The following SPATA13 variants were observed in gnomAD, a reference collection of about 807,000 sequenced individuals.
SPATA13 encodes the protein spermatogenesis associated 13, also known as spermatogenesis-associated protein 13.
Under a neutral mutation model 104.0 loss-of-function variants are expected in SPATA13, and 50 were observed. The observed-to-expected ratio is 0.48, with a 90% CI of 0.38 to 0.61. The LOEUF is 0.61. SPATA13 is among the 20% of genes least tolerant of loss of function. SPATA13 has a pLI of 0.00. For synonymous variants in SPATA13, 606 were observed against 667.5 expected (o/e 0.91, Z 1.42); for missense variants, 1,524 against 1,690.6 (o/e 0.90, Z 1.73).
Position 24,044,641 on chromosome 13 carries a change from A to G in SPATA13, c.-112+26940A>G, listed in dbSNP as rs1276373466. Among the ~76,000 whole-genome samples, 5 of 152,348 alleles carry G rather than the reference A, an allele frequency of 3.3e-5. No homozygotes were observed. In the East Asian group the frequency reaches 7.7e-4, roughly 24 times the overall value. The stretch of plus-strand genomic sequence containing the variant: ...TCGAATCGGGGTAATTAGCATATCC[A>G]TCATCTCATACTTGCCATTTCTTTG... On this transcript the variant is annotated intron_variant, in intron 3 of 14. Transcript: ENST00000424834.
At chr13:24,070,964 A>G (rs1156267991) in intron 3 of SPATA13, among the ~76,000 whole-genome samples, 2 of 152,000 alleles carry the variant, frequency 1.3e-5, no homozygotes, top group Non-Finnish European at 2.9e-5. Flanking sequence ...GACCTCCACA[A>G]TTGTAGGCGT....
chr13:24,297,811 T>G, intron 11 of SPATA13, 76 bp downstream of exon 11: 3 of 1,502,372 alleles, frequency 2.0e-6, no homozygotes, highest in Non-Finnish European at 2.7e-6. Context: ...CCCATGGGCC[T>G]GCTCTGCCCA....
intron 1 of SPATA13, among the ~76,000 whole-genome samples, chr13:24,215,213 C>T (rs1262004115): frequency 2.6e-5 from 4 of 152,164 alleles, no homozygotes; most frequent in Admixed American, 2.0e-4. Context: ...ACATGACTGT[C>T]GTGCATGTCC....
upstream of SPATA13, among the ~76,000 whole-genome samples, chr13:24,157,822 C>T (rs554130164): frequency 6.6e-6 from 1 of 152,160 alleles, no homozygotes; most frequent in African/African-American, 2.4e-5. Flanking sequence ...AGAGCATTTT[C>T]AAACAGGAGC....
chr13:24,218,454 C>T (rs1212136538), intron 1 of SPATA13, among the ~76,000 whole-genome samples: 1 of 152,178 alleles, frequency 6.6e-6, no homozygotes. Context: ...CTCAGCCTCA[C>T]TGGGCCCTAG....
chr13:24,266,142 C>G (rs1874286468), intron 4 of SPATA13, among the ~76,000 whole-genome samples: 1 of 152,232 alleles, frequency 6.6e-6, no homozygotes, highest in Admixed American at 6.5e-5. Flanking sequence ...ACTTGCCTCT[C>G]CAAGAATTTT....
At position 24,076,589 on chromosome 13, in the gene SPATA13, C is replaced by T. The variant is rs563261298; in HGVS notation, c.-112+58888C>T. On this transcript the variant is annotated intron_variant, in intron 3 of 14. Transcript: ENST00000424834. ...GCAGACCCCGGGACAGGAAACCAGGCCACTGAGGGTCTTGTGGCTCTGGTG... is the reference window on the plus strand; with the variant it reads ...GCAGACCCCGGGACAGGAAACCAGGTCACTGAGGGTCTTGTGGCTCTGGTG... Among the ~76,000 whole-genome samples the T allele has an allele frequency of 1.2e-4, 18 of 151,628 alleles. No homozygotes were observed. The South Asian group carries it at 3.8e-3, about 32-fold the overall frequency.
chr13:24,049,894 A>T (rs1878279763), intron 3 of SPATA13, among the ~76,000 whole-genome samples: 2 of 152,044 alleles, frequency 1.3e-5, no homozygotes, highest in South Asian at 4.2e-4. Context: ...CTTTTTTGAG[A>T]CAGAGTCTTG....
In SPATA13 at chr13:24,222,893, G is replaced by A. The variant is rs1336154372; in HGVS notation, c.-37G>A. 6 of 1,549,004 alleles carry A rather than the reference G, an allele frequency of 3.9e-6. No homozygotes were observed. Among genetic ancestry groups the A allele is most frequent in the Non-Finnish European group, 5.2e-6 (6 of 1,145,546 alleles). ...ACGGCATTCCTGGAGATGAAGGCCTGGAGCTGCGGTCTGCGGACTCGGCAG... is the reference window on the plus strand; with the variant it reads ...ACGGCATTCCTGGAGATGAAGGCCTAGAGCTGCGGTCTGCGGACTCGGCAG... On this transcript the variant is annotated 5_prime_UTR_variant, in exon 2 of 13. An upstream open reading frame in the 5' UTR gains an earlier in-frame stop. Coordinates refer to ENST00000382108, the MANE Select transcript of SPATA13 (RefSeq NM_001166271.3).
In SPATA13 at chr13:24,226,639, G is replaced by T. The variant is rs182318581; in HGVS notation, c.1653+2057G>T. Among the ~76,000 whole-genome samples the T allele has an allele frequency of 7.2e-5, 11 of 152,310 alleles. No individual in the cohort carries two copies. In the East Asian group the frequency reaches 1.9e-3, roughly 27 times the overall value. On this transcript the variant is annotated intron_variant, in intron 2 of 12. Coordinates refer to ENST00000382108, the MANE Select transcript of SPATA13 (RefSeq NM_001166271.3). ...TCTAGATTGATTTGCAGGTATAGAT[G>T]GTGCTTGCCATAGAGAATAATCCCC...
At position 24,113,609 on chromosome 13, in the gene SPATA13, A is replaced by C. The variant is rs1217761698; in HGVS notation, c.-112+95908A>C. The stretch of plus-strand genomic sequence containing the variant: ...AAATAAGGCTGGGCGAGGTGGCTTA[A>C]GCCTGTAATCCCAGCACTTTGGGAG... On this transcript the variant is annotated intron_variant, in intron 3 of 14. Transcript: ENST00000424834. Among the ~76,000 whole-genome samples the C allele has an allele frequency of 6.6e-5, 10 of 150,838 alleles. No individual in the cohort carries two copies. The East Asian group carries it at 2.0e-3, about 30-fold the overall frequency.
chr13:24,059,608 T>C (rs570067379), intron 3 of SPATA13, among the ~76,000 whole-genome samples: 31 of 152,364 alleles, frequency 2.0e-4, no homozygotes, highest in African/African-American at 7.5e-4. Context: ...ATTTCCATTA[T>C]CTCATTTAAT....
chr13:24,013,423 C>T (rs921388440), intron 2 of SPATA13, among the ~76,000 whole-genome samples: 6 of 152,166 alleles, frequency 3.9e-5, no homozygotes, highest in African/African-American at 1.2e-4. Flanking sequence ...ATGGGCAGCC[C>T]CCTCACCCTT....
chr13:24,286,869 G>T lies in SPATA13; in HGVS notation c.2586G>T (p.Lys862Asn). 2 of 1,613,942 alleles carry T rather than the reference G, an allele frequency of 1.2e-6. No individual in the cohort carries two copies. Among genetic ancestry groups the T allele is most frequent in the Non-Finnish European group, 1.7e-6 (2 of 1,180,026 alleles). ...GCCGCCACAGACACTGTGAGAACAAGCAGCAGATGCGGACCAACGTCATCC... is the reference window on the plus strand; with the variant it reads ...GCCGCCACAGACACTGTGAGAACAATCAGCAGATGCGGACCAACGTCATCC... Reference protein sequence around the residue: ...SQSRHRHCENKQQMRTNVIRE... With the variant: ...SQSRHRHCENNQQMRTNVIRE... Residue 862 changes from lysine to asparagine, a missense_variant, in exon 7 of 13, where the codon AAG becomes AAT. Physicochemically the swap from Lys to Asn is moderately conservative, Grantham distance 94. Around this residue, in one of 2 missense-constraint regions of SPATA13, gnomAD observed 435 missense variants for 554.8 expected, o/e 0.78. Transcript: ENST00000382108. The surrounding 1 kb of genome is among the most constrained non-coding windows in gnomAD (Gnocchi z 4.9).
intron 3 of SPATA13, among the ~76,000 whole-genome samples, chr13:24,044,290 CA>C (rs1878050873): frequency 6.9e-6 from 1 of 145,714 alleles, no homozygotes; most frequent in Non-Finnish European, 1.5e-5. Flanking sequence ...TGGAGTGCAG[CA>C]GCGCTATCAT....
intron 2 of SPATA13, among the ~76,000 whole-genome samples, chr13:24,012,736 G>T (rs747981599): frequency 6.6e-6 from 1 of 152,256 alleles, no homozygotes; most frequent in Non-Finnish European, 1.5e-5. Context: ...GGAATGGCAC[G>T]GGCATAGGAG....
At chr13:24,093,863 C>T (rs1280950643) in intron 3 of SPATA13, among the ~76,000 whole-genome samples, 3 of 152,044 alleles carry the variant, frequency 2.0e-5, no homozygotes, top group Non-Finnish European at 4.4e-5. Flanking sequence ...ATCTTGGATG[C>T]TTGTTGAAAA....
upstream of SPATA13, among the ~76,000 whole-genome samples, chr13:24,160,178 C>G (rs977372233): frequency 2.0e-5 from 3 of 152,212 alleles, no homozygotes; most frequent in Non-Finnish European, 4.4e-5. Flanking sequence ...CACGGTTGCC[C>G]CGGAGATGAG....
intron 3 of SPATA13, among the ~76,000 whole-genome samples, chr13:24,109,785 T>C (rs1880576880): frequency 6.6e-6 from 1 of 152,114 alleles, no homozygotes; most frequent in Admixed American, 6.5e-5. Flanking sequence ...AGGTTGTTTG[T>C]ACATTTTACT....
Sources: allele counts gnomAD v4.1 joint callset (sites outside exome capture counted in the v4.1 genomes callset), GRCh38; gene constraint gnomAD v4.1.1; regional missense constraint gnomAD v4.1.1; non-coding constraint Gnocchi (gnomAD v3.1); transcripts MANE v1.5; gene names NCBI Gene and HGNC (gene_info 2026-07-23, HGNC 2026-07-21).